DCC: variants seen among roughly 807,000 people sequenced by gnomAD.
DCC encodes netrin receptor DCC.
Under a neutral mutation model 172.5 loss-of-function variants are expected in DCC, and 58 were observed. That is an observed-to-expected ratio of 0.34 (90% CI 0.27 to 0.42). The LOEUF is 0.42. DCC is among the 10% of genes least tolerant of loss of function. The probability of loss-of-function intolerance (pLI) is 1.00; values close to 1 mark genes in which losing one functional copy is unlikely to be tolerated. For missense variants in DCC, 1,740 were observed against 1,791.0 expected (o/e 0.97, Z 0.51); for synonymous variants, 709 against 644.5 (o/e 1.10, Z -1.52).
chr18:53,204,420 G>A (rs1007768514), intron 9 of DCC, among the ~76,000 whole-genome samples: 8 of 152,112 alleles, frequency 5.3e-5, no homozygotes, highest in African/African-American at 1.7e-4. Context: ...GATGGTGCAT[G>A]CTTGTAGTCC....
intron 1 of DCC, among the ~76,000 whole-genome samples, chr18:52,564,503 GACATTTTGACAAATT>G (rs1165080497): frequency 6.6e-6 from 1 of 152,048 alleles, no homozygotes; most frequent in Non-Finnish European, 1.5e-5. Context: ...GGTTTTGAAA[GACATTTTGACAAATT>G]ACATGTGCAT....
At chr18:52,387,946 C>T (rs1985879621) in intron 1 of DCC, among the ~76,000 whole-genome samples, 1 of 152,000 alleles carries the variant, frequency 6.6e-6, no homozygotes, top group Non-Finnish European at 1.5e-5. Flanking sequence ...AATCATGCTC[C>T]ACTGCCCAGA....
At chr18:52,875,887 G>T (rs746420621) in intron 2 of DCC, among the ~76,000 whole-genome samples, 5 of 152,102 alleles carry the variant, frequency 3.3e-5, no homozygotes, top group South Asian at 2.1e-4. Context: ...CTCTCATTCC[G>T]GTCAGTTTGC....
At position 53,427,086 on chromosome 18, in the gene DCC, C is replaced by T. The variant is rs147768560; in HGVS notation, c.3164-8058C>T. 5.9e-5 allele frequency among the ~76,000 whole-genome samples: 9 copies of T among 152,204 alleles called. No individual in the cohort carries two copies. In the East Asian group the frequency reaches 9.6e-4, roughly 16 times the overall value. On this transcript the variant is annotated intron_variant, in intron 21 of 28. Coordinates refer to ENST00000442544, the MANE Select transcript of DCC (RefSeq NM_005215.4). ...TGGGGGAGGCTTTTATGGATCATTC[C>T]GTGGCCTTTGAGAACAGATGCTCTT...
Position 52,445,981 on chromosome 18 carries a change from G to T in DCC, c.91+105103G>T, listed in dbSNP as rs533637854. ...CTCGCTCGCTCTGTCGCCCAGGCTA[G>T]AGTGCAGTGGCGGGATCTCGGCTCA... is the stretch of plus-strand genomic sequence containing the variant. On this transcript the variant is annotated intron_variant, in intron 1 of 28. Coordinates refer to ENST00000442544, the MANE Select transcript of DCC (RefSeq NM_005215.4). 2.6e-5 allele frequency among the ~76,000 whole-genome samples: 4 copies of T among 152,334 alleles called. No individual in the cohort carries two copies. In the East Asian group the frequency reaches 7.7e-4, roughly 29 times the overall value.
At chr18:52,991,096 CA>C (rs749861646) in intron 5 of DCC, among the ~76,000 whole-genome samples, 128 of 152,276 alleles carry the variant, frequency 8.4e-4, no homozygotes, top group Non-Finnish European at 1.5e-3. Context: ...AGCTTACCTA[CA>C]TATGGCTCGA....
intron 5 of DCC, among the ~76,000 whole-genome samples, chr18:52,975,871 C>G (rs140987011): frequency 1.3e-5 from 2 of 152,118 alleles, no homozygotes; most frequent in Non-Finnish European, 2.9e-5. Flanking sequence ...TGGGTATATA[C>G]GCAGTAGTAG....
chr18:52,354,497 GTT>G (rs1984272079), intron 1 of DCC, among the ~76,000 whole-genome samples: 1 of 151,860 alleles, frequency 6.6e-6, no homozygotes, highest in Non-Finnish European at 1.5e-5. Context: ...AAAACTGAAG[GTT>G]TTTTTAACCA....
At chr18:52,455,816 G>C (rs779195346) in intron 1 of DCC, among the ~76,000 whole-genome samples, 1 of 152,154 alleles carries the variant, frequency 6.6e-6, no homozygotes, top group Non-Finnish European at 1.5e-5. Flanking sequence ...CTTGGTGCAT[G>C]GTAAGCATCC....
At chr18:53,387,226 T>C (rs1315140399) in intron 16 of DCC, among the ~76,000 whole-genome samples, 5 of 152,228 alleles carry the variant, frequency 3.3e-5, no homozygotes, top group Non-Finnish European at 7.3e-5. Flanking sequence ...TTGCCAAATG[T>C]ACAAGCTTCA....
intron 1 of DCC, among the ~76,000 whole-genome samples, chr18:52,680,503 G>A (rs1174128994): frequency 6.6e-6 from 1 of 152,010 alleles, no homozygotes; most frequent in African/African-American, 2.4e-5. Flanking sequence ...TTCCATCAGA[G>A]GTCTTATCTC....
chr18:52,513,098 A>T (rs1215227617), intron 1 of DCC, among the ~76,000 whole-genome samples: 2 of 152,176 alleles, frequency 1.3e-5, no homozygotes, highest in Admixed American at 1.3e-4. Context: ...GTGGAACAAG[A>T]TGGGGGCAGG....
chr18:53,150,565 G>A (rs1347078437), intron 7 of DCC, among the ~76,000 whole-genome samples: 1 of 152,164 alleles, frequency 6.6e-6, no homozygotes, highest in Admixed American at 6.5e-5. Context: ...TGGAGTCCAG[G>A]GAAGTGCCCT....
chr18:53,428,747 T>A (rs1187691351), intron 21 of DCC, among the ~76,000 whole-genome samples: 1 of 54,714 alleles, frequency 1.8e-5, no homozygotes, highest in Non-Finnish European at 3.6e-5. Flanking sequence ...ATACTATATA[T>A]TTTATATATA....
chr18:53,434,861 TA>T, intron 21 of DCC, among the ~76,000 whole-genome samples: 1 of 152,268 alleles, frequency 6.6e-6, no homozygotes, highest in South Asian at 2.1e-4. Flanking sequence ...GCACCTTTAA[TA>T]AAAGACTTTA....
chr18:52,683,924 G>C (rs1333689787), intron 1 of DCC, among the ~76,000 whole-genome samples: 1 of 152,038 alleles, frequency 6.6e-6, no homozygotes, highest in East Asian at 1.9e-4. Flanking sequence ...AAATCATATG[G>C]ATGCATTTGA....
chr18:53,255,437 T>G (rs1167226142), intron 12 of DCC, among the ~76,000 whole-genome samples: 2 of 143,356 alleles, frequency 1.4e-5, no homozygotes, highest in Non-Finnish European at 3.0e-5. Flanking sequence ...CATTGTTCAC[T>G]TCCCACCTAT....
intron 2 of DCC, among the ~76,000 whole-genome samples, chr18:52,833,110 G>A (rs1302857144): frequency 6.6e-6 from 1 of 152,074 alleles, no homozygotes; most frequent in African/African-American, 2.4e-5. Flanking sequence ...TTGTACCTCA[G>A]CTTTAATTAC....
chr18:52,507,314 T>C (rs780378085), intron 1 of DCC, among the ~76,000 whole-genome samples: 12 of 152,192 alleles, frequency 7.9e-5, no homozygotes, highest in Non-Finnish European at 1.3e-4. Flanking sequence ...TTCAAATTTC[T>C]CCGAGTCAAA....
Sources: gnomAD v4.1 joint callset for allele counts (sites outside exome capture counted in the v4.1 genomes callset) on GRCh38, gnomAD v4.1.1 for gene constraint, MANE v1.5 for transcripts, NCBI Gene and HGNC (gene_info 2026-07-23, HGNC 2026-07-21) for gene names.